The following ABCB1 variants were observed in gnomAD, a reference collection of about 807,000 sequenced individuals.
The protein encoded by ABCB1 is ATP binding cassette subfamily B member 1, also known as ATP-dependent translocase ABCB1.
Under a neutral mutation model 142.0 loss-of-function variants are expected in ABCB1, and 69 were observed. That is an observed-to-expected ratio of 0.49 (90% confidence interval 0.40 to 0.59). The LOEUF (loss-of-function observed/expected upper bound fraction) is 0.59, where lower values mean the gene tolerates loss of function less well. Among genes scored for constraint, ABCB1 ranks in the 20% least tolerant of loss-of-function variants. ABCB1 has a pLI of 0.00. For missense variants in ABCB1, 1,326 were observed against 1,554.7 expected (o/e 0.85, Z 2.47); for synonymous variants, 532 against 539.2 (o/e 0.99, Z 0.18).
At chr7:87,553,961 A>G in intron 8 of ABCB1, 29 bp from the exon 9 acceptor site, 1 of 1,579,952 alleles carries the variant, frequency 6.3e-7, no homozygotes, top group Non-Finnish European at 8.7e-7. Context: ...ATGATCACAT[A>G]TACATTTTAT....
chr7:87,544,075 T>C, intron 17 of ABCB1, 54 bp downstream of exon 17: 1 of 1,603,530 alleles, frequency 6.2e-7, no homozygotes, highest in Non-Finnish European at 8.5e-7. Context: ...CTTTATTCGT[T>C]CATTCTTCCA....
Position 87,626,322 on chromosome 7 carries a change from CAT to C in ABCB1, c.-330-25246_-330-25245del, listed in dbSNP as rs1451343268. Among the ~76,000 whole-genome samples the C allele has an allele frequency of 1.3e-4, 4 of 30,800 alleles. 2 individuals are homozygous for C. The highest frequency in any genetic ancestry group is 4.7e-4 in the African/African-American group (2 of 4,232). The allele number at this position is 30,800 out of a possible 152,430, so 20.2% of individuals were successfully genotyped here. ...TCATATATATGTGTCGTATATGTGT[CAT>C]ATATATGTGTCGTATATGTGTCATA... On this transcript the variant is annotated intron_variant, in intron 1 of 28. Coordinates refer to the ABCB1 transcript ENST00000265724.
chr7:87,587,859 A>C lies in ABCB1; in HGVS notation c.118-2179T>G, dbSNP rs559119809. On this transcript the variant is annotated intron_variant, in intron 3 of 27. Transcript: ENST00000622132. Reference sequence around the variant, plus strand: ...CACTGCACTCCAGCCTGGGCGACAGAGTGAGACTCTGTCTCAAAAAAAAAA... The same window carrying C: ...CACTGCACTCCAGCCTGGGCGACAGCGTGAGACTCTGTCTCAAAAAAAAAA... Among the ~76,000 whole-genome samples the C allele has an allele frequency of 1.3e-3, 179 of 134,812 alleles. 1 individual carries two copies. Among genetic ancestry groups the C allele is most frequent in the African/African-American group, 4.9e-3 (175 of 35,508 alleles). 88.4% of individuals were successfully genotyped at this position (134,812 alleles called of 152,430 possible).
intron 4 of ABCB1, among the ~76,000 whole-genome samples, chr7:87,582,684 G>T (rs1818562471): frequency 6.6e-6 from 1 of 152,212 alleles, no homozygotes; most frequent in Non-Finnish European, 1.5e-5. Flanking sequence ...CATAGAAGCA[G>T]CCATAGGCTG....
At chr7:87,671,515 T>C (rs191850501) in intron 1 of ABCB1, among the ~76,000 whole-genome samples, 26 of 152,260 alleles carry the variant, frequency 1.7e-4, no homozygotes, top group African/African-American at 6.3e-4. Flanking sequence ...CAGTACCTGG[T>C]TGCCTCGGAT....
At chr7:87,569,709 A>C (rs1817955854) in intron 5 of ABCB1, among the ~76,000 whole-genome samples, 1 of 151,950 alleles carries the variant, frequency 6.6e-6, no homozygotes. Flanking sequence ...GGTGTGGGGG[A>C]CAGGGTCCTG....
intron 27 of ABCB1, 123 bp downstream of exon 27, chr7:87,505,774 T>G: frequency 1.7e-6 from 2 of 1,211,628 alleles, no homozygotes; most frequent in East Asian, 2.4e-5. Context: ...TGTTTACATT[T>G]TACTGAAAGG....
intron 1 of ABCB1, among the ~76,000 whole-genome samples, chr7:87,647,035 A>G (rs757996144): frequency 2.0e-5 from 3 of 152,208 alleles, no homozygotes; most frequent in Non-Finnish European, 2.9e-5. Context: ...AGCATTCCTC[A>G]ATCAGGGTTC....
intron 1 of ABCB1, among the ~76,000 whole-genome samples, chr7:87,643,213 TCTTC>T (rs1822625220): frequency 6.6e-6 from 1 of 152,220 alleles, no homozygotes; most frequent in Admixed American, 6.5e-5. Context: ...GGCCCTGCTT[TCTTC>T]CTTTATTTTT....
chr7:87,631,341 C>G (rs146922009), intron 1 of ABCB1, among the ~76,000 whole-genome samples: 276 of 152,304 alleles, frequency 1.8e-3, no homozygotes, highest in African/African-American at 6.5e-3. Flanking sequence ...TCCAGAGTCA[C>G]CAAACCCTGG....
chr7:87,520,794 C>A lies in ABCB1; in HGVS notation c.2768G>T (p.Ser923Ile), dbSNP rs377518806. ...EQKFEHMYAQ[S>I]LQVPYRNSLR... ...TTATTACCTGTATGGTACCTGCAAA[C>A]TCTGAGCATACATATGTTCAAACTT... Residue 923 changes from serine (S) to isoleucine (I), a missense_variant, in exon 22 of 28, where the codon AGT becomes ATT. Physicochemically the swap from Ser to Ile is moderately radical, Grantham distance 142. Transcript: ENST00000622132. 1.2e-6 allele frequency: 2 copies of A among 1,613,872 alleles called. No homozygotes were observed. The highest frequency in any genetic ancestry group is 1.7e-6 in the Non-Finnish European group (2 of 1,179,820).
chr7:87,504,265 T>A lies in ABCB1; in HGVS notation c.3821A>T (p.Gln1274Leu), dbSNP rs867908714. Residue 1274 changes from glutamine to leucine, a missense_variant, in exon 28 of 28, where the codon CAG (glutamine) becomes CTG (leucine). Coordinates refer to ENST00000622132, the MANE Select transcript of ABCB1 (RefSeq NM_001348946.2). ...AGTTCACTGGCGCTTTGTTCCAGCC[T>A]GGACACTGACCATTGAAAAATAGAT... is the stretch of plus-strand genomic sequence containing the variant. The part of the protein sequence containing the change: ...KGIYFSMVSV[Q>L]AGTKRQ 6.2e-7 allele frequency: 1 copy of A among 1,614,168 alleles called. No individual in the cohort carries two copies. Among genetic ancestry groups the A allele is most frequent in the Middle Eastern group, 1.7e-4 (1 of 6,004 alleles).
At chr7:87,532,986 C>T (rs149203585) in intron 20 of ABCB1, among the ~76,000 whole-genome samples, 1 of 152,026 alleles carries the variant, frequency 6.6e-6, no homozygotes, top group South Asian at 2.1e-4. Context: ...CTATCAGTAG[C>T]CTTTAAATAC....
At chr7:87,626,765 T>G (rs1184075392) in intron 1 of ABCB1, among the ~76,000 whole-genome samples, 2 of 130,556 alleles carry the variant, frequency 1.5e-5, no homozygotes, top group Non-Finnish European at 3.4e-5. Flanking sequence ...ATATATGTCA[T>G]ATATATGTCA....
At chr7:87,581,644 G>T (rs978466826) in intron 4 of ABCB1, among the ~76,000 whole-genome samples, 1 of 152,154 alleles carries the variant, frequency 6.6e-6, no homozygotes, top group African/African-American at 2.4e-5. Flanking sequence ...GTTAATTAAG[G>T]CAAAGTATTG....
intron 4 of ABCB1, among the ~76,000 whole-genome samples, chr7:87,577,503 T>C (rs977516870): frequency 1.3e-5 from 2 of 152,172 alleles, no homozygotes; most frequent in African/African-American, 4.8e-5. Flanking sequence ...TCCATCATGG[T>C]TGTACTAATT....
rs200759080 is a variant in ABCB1 at position 87,516,680 on chromosome 7, C to T, written c.2928-15G>A. 1 of 1,578,340 alleles carries T rather than the reference C, an allele frequency of 6.3e-7. No individual in the cohort carries two copies. The highest frequency in any genetic ancestry group is 8.6e-7 in the Non-Finnish European group (1 of 1,161,338). ...CTGAAAATACTCTGGAAAGCACAAA[C>T]ACAAAACATGTGCACAGCATTACCA... On this transcript the variant is annotated splice_polypyrimidine_tract_variant and intron_variant, in intron 23 of 27. Transcript: ENST00000622132.
intron 1 of ABCB1, among the ~76,000 whole-genome samples, chr7:87,625,971 AAT>A (rs150751812): frequency 0.027 from 3,855 of 141,144 alleles, 70 homozygotes; most frequent in South Asian, 0.039. Context: ...GAGAGAGAGG[AAT>A]ATATATATAT....
intron 25 of ABCB1, 149 bp downstream of exon 25, chr7:87,515,082 T>A: frequency 9.6e-7 from 1 of 1,038,816 alleles, no homozygotes; most frequent in Admixed American, 2.1e-5. Flanking sequence ...TGACACCACT[T>A]GGAGACCATA....
Sources: gnomAD v4.1 joint callset for allele counts (sites outside exome capture counted in the v4.1 genomes callset) on GRCh38, gnomAD v4.1.1 for gene constraint, MANE v1.5 for transcripts, NCBI Gene and HGNC (gene_info 2026-07-23, HGNC 2026-07-21) for gene names.